Variants in CSMD1 observed in about 807,000 individuals in gnomAD.
The protein encoded by CSMD1 is CUB and Sushi multiple domains 1, also known as CUB and sushi domain-containing protein 1.
CSMD1 carries 213 observed loss-of-function variants against 417.5 expected under a neutral mutation model. That is an observed-to-expected ratio of 0.51 (90% CI 0.46 to 0.57). CSMD1 has a LOEUF of 0.57. Among genes scored for constraint, CSMD1 ranks in the 20% least tolerant of loss-of-function variants. CSMD1 has a pLI of 0.00. For missense variants in CSMD1, 6,923 were observed against 4,529.7 expected, an observed-to-expected ratio of 1.53 and a Z score of -15.17; for synonymous variants, 2,862 against 1,736.8, an observed-to-expected ratio of 1.65 and a Z score of -16.11.
chr8:3,497,572 A>AT (rs1220761220), intron 10 of CSMD1, among the ~76,000 whole-genome samples: 5 of 151,718 alleles, frequency 3.3e-5, no homozygotes, highest in Admixed American at 6.6e-5. Context: ...GCCATTTCAC[A>AT]TTTTTTCACT....
chr8:3,140,048 G>A (rs555248721), intron 41 of CSMD1, among the ~76,000 whole-genome samples: 46 of 151,898 alleles, frequency 3.0e-4, no homozygotes, highest in Admixed American at 4.6e-4. Context: ...GATTACAGGC[G>A]CCTGCCATCA....
chr8:4,294,287 C>A (rs570956579), intron 3 of CSMD1, among the ~76,000 whole-genome samples: 7 of 152,112 alleles, frequency 4.6e-5, no homozygotes, highest in Admixed American at 6.6e-5. Context: ...ATAAAGGCTT[C>A]GGTGCTTCAT....
chr8:4,015,157 T>C lies in CSMD1; in HGVS notation c.610+16748A>G, dbSNP rs374191811. On this transcript the variant is annotated intron_variant, in intron 4 of 69. Transcript: ENST00000635120. ...TCAAAAAATTGAAAGCTAGGTTTCTTATATAAAAACTGTCCCATTCAGTCT... is the reference window on the plus strand; with the variant it reads ...TCAAAAAATTGAAAGCTAGGTTTCTCATATAAAAACTGTCCCATTCAGTCT... 3.7e-4 allele frequency among the ~76,000 whole-genome samples: 57 copies of C among 152,320 alleles called. 1 individual carries two copies. The highest frequency in any genetic ancestry group is 1.3e-3 in the African/African-American group (55 of 41,562).
chr8:3,549,191 C>T (rs1269333290), intron 10 of CSMD1, among the ~76,000 whole-genome samples: 1 of 152,198 alleles, frequency 6.6e-6, no homozygotes, highest in Non-Finnish European at 1.5e-5. Flanking sequence ...CCAGTCTGTG[C>T]CTGTTTTCTT....
At chr8:4,446,704 C>T (rs1341237712) in intron 2 of CSMD1, among the ~76,000 whole-genome samples, 2 of 147,294 alleles carry the variant, frequency 1.4e-5, no homozygotes, top group Non-Finnish European at 2.9e-5. Flanking sequence ...TCGTGCCCAC[C>T]ACCATGCCTG....
At chr8:3,881,987 A>T (rs1314003659) in intron 5 of CSMD1, among the ~76,000 whole-genome samples, 1 of 152,320 alleles carries the variant, frequency 6.6e-6, no homozygotes, top group African/African-American at 2.4e-5. Context: ...CCAATAACCA[A>T]TCACGAGAGA....
chr8:4,786,135 A>G (rs1285413850), intron 1 of CSMD1, among the ~76,000 whole-genome samples: 2 of 152,202 alleles, frequency 1.3e-5, no homozygotes, highest in African/African-American at 4.8e-5. Context: ...TGCTTCTAAA[A>G]ATGGATTTTA....
chr8:3,371,222 C>G (rs1809925428), intron 18 of CSMD1, among the ~76,000 whole-genome samples: 1 of 152,120 alleles, frequency 6.6e-6, no homozygotes, highest in African/African-American at 2.4e-5. Context: ...AGCCAATTCC[C>G]ACAATAAATC....
chr8:3,690,133 A>G (rs1344966493), intron 7 of CSMD1, among the ~76,000 whole-genome samples: 14 of 152,146 alleles, frequency 9.2e-5, no homozygotes, highest in African/African-American at 3.1e-4. Flanking sequence ...CTGAGACCGG[A>G]GGATCACTTA....
chr8:4,555,115 T>C (rs747935306), intron 2 of CSMD1, among the ~76,000 whole-genome samples: 9 of 152,228 alleles, frequency 5.9e-5, no homozygotes, highest in East Asian at 1.9e-4. Flanking sequence ...AGGATGCTTT[T>C]TGAAAGGTTT....
At chr8:3,122,774 T>C (rs1292181771) in intron 41 of CSMD1, among the ~76,000 whole-genome samples, 1 of 152,200 alleles carries the variant, frequency 6.6e-6, no homozygotes, top group Non-Finnish European at 1.5e-5. Flanking sequence ...TGTGGAACTG[T>C]AAGTCCATTT....
chr8:2,990,887 C>G (rs992580103), intron 54 of CSMD1, among the ~76,000 whole-genome samples: 3 of 152,222 alleles, frequency 2.0e-5, no homozygotes, highest in Non-Finnish European at 4.4e-5. Flanking sequence ...GCTTATTGGT[C>G]AGAGGCATCA....
At chr8:4,163,460 G>A (rs1299923841) in intron 3 of CSMD1, among the ~76,000 whole-genome samples, 1 of 152,122 alleles carries the variant, frequency 6.6e-6, no homozygotes, top group Non-Finnish European at 1.5e-5. Context: ...GTATTTTAAT[G>A]TGTGAGTTAC....
At chr8:3,587,018 T>C (rs1183279272) in intron 8 of CSMD1, among the ~76,000 whole-genome samples, 1 of 152,164 alleles carries the variant, frequency 6.6e-6, no homozygotes, top group Non-Finnish European at 1.5e-5. Context: ...CAGGCTGGTC[T>C]TCAACTCCTG....
intron 1 of CSMD1, among the ~76,000 whole-genome samples, chr8:4,840,651 G>C (rs967270573): frequency 4.6e-5 from 7 of 152,182 alleles, no homozygotes; most frequent in African/African-American, 9.7e-5. Context: ...TACTTTCTGA[G>C]TGACGTGTCC....
intron 7 of CSMD1, among the ~76,000 whole-genome samples, chr8:3,656,838 T>G (rs1412669212): frequency 2.0e-5 from 3 of 151,572 alleles, no homozygotes; most frequent in Non-Finnish European, 4.4e-5. Flanking sequence ...GGCAGATGAA[T>G]AGCTTGTCCC....
chr8:4,586,045 G>A (rs575981745), intron 2 of CSMD1, among the ~76,000 whole-genome samples: 1 of 152,122 alleles, frequency 6.6e-6, no homozygotes, highest in Non-Finnish European at 1.5e-5. Context: ...TGTAATGGTT[G>A]TACGTATACA....
At chr8:3,765,813 A>G (rs535178592) in intron 5 of CSMD1, among the ~76,000 whole-genome samples, 1 of 152,326 alleles carries the variant, frequency 6.6e-6, no homozygotes, top group Admixed American at 6.5e-5. Context: ...GACAGGTCTC[A>G]GGAATCCAGT....
intron 1 of CSMD1, among the ~76,000 whole-genome samples, chr8:4,827,694 T>C (rs1240349259): frequency 1.3e-5 from 2 of 152,120 alleles, no homozygotes; most frequent in Admixed American, 6.5e-5. Context: ...ATCCATTGAG[T>C]AGGTTTTAAT....
Sources: gnomAD v4.1 joint callset for allele counts (sites outside exome capture counted in the v4.1 genomes callset) on GRCh38, gnomAD v4.1.1 for gene constraint, MANE v1.5 for transcripts, NCBI Gene and HGNC (gene_info 2026-07-23, HGNC 2026-07-21) for gene names.